Variants in KCNN2 observed in about 807,000 individuals in gnomAD.
KCNN2 encodes potassium calcium-activated channel subfamily N member 2.
In KCNN2, 24 loss-of-function variants were observed where a neutral mutation model predicts 55.5. The ratio of observed to expected loss-of-function variants is 0.43; its 90% CI spans 0.31 to 0.61. The LOEUF (loss-of-function observed/expected upper bound fraction) is 0.61, where lower values mean the gene tolerates loss of function less well. Among genes scored for constraint, KCNN2 ranks in the 20% least tolerant of loss-of-function variants. The pLI, the probability that KCNN2 is intolerant of heterozygous loss-of-function variation, is 0.08. For synonymous variants in KCNN2, 431 were observed against 336.1 expected, an observed-to-expected ratio of 1.28 and a Z score of -3.09; for missense variants, 754 against 853.6, an observed-to-expected ratio of 0.88 and a Z score of 1.45.
intron 1 of KCNN2, among the ~76,000 whole-genome samples, chr5:114,204,852 A>G (rs1215856845): frequency 1.3e-5 from 2 of 152,208 alleles, no homozygotes; most frequent in Non-Finnish European, 2.9e-5. Flanking sequence ...TCAATTTGTT[A>G]CCATAGCATA....
intron 2 of KCNN2, among the ~76,000 whole-genome samples, chr5:114,372,510 T>C (rs1484175760): frequency 6.6e-6 from 1 of 152,184 alleles, no homozygotes; most frequent in Non-Finnish European, 1.5e-5. Context: ...AAGAAGGAAA[T>C]AAGACTGATT....
At chr5:114,132,871 T>C (rs1291335812) in intron 1 of KCNN2, among the ~76,000 whole-genome samples, 1 of 152,190 alleles carries the variant, frequency 6.6e-6, no homozygotes, top group Non-Finnish European at 1.5e-5. Flanking sequence ...CAAACATAAC[T>C]GCAGAAGGTC....
At chr5:114,246,730 C>T (rs983955177) in intron 2 of KCNN2, among the ~76,000 whole-genome samples, 33 of 151,918 alleles carry the variant, frequency 2.2e-4, no homozygotes, top group African/African-American at 7.7e-4. Context: ...AAATGAATAA[C>T]ACAATATTCA....
In KCNN2 at chr5:114,476,037, C is replaced by CT. The variant is rs559885873; in HGVS notation, c.1890+2883dup. Among the ~76,000 whole-genome samples the CT allele has an allele frequency of 5.5e-3, 823 of 149,650 alleles. 5 individuals carry two copies. Among genetic ancestry groups the CT allele is most frequent in the African/African-American group, 0.015 (623 of 40,830 alleles). Reference sequence around the variant, plus strand: ...TAATAATTCTGTTATTTCATTACTACTTTTTTTTTTAAATTATACTTTAAG... The same window carrying CT: ...TAATAATTCTGTTATTTCATTACTACTTTTTTTTTTTAAATTATACTTTAAG... On this transcript the variant is annotated intron_variant, in intron 5 of 7. Transcript: ENST00000673685.
rs79234606 is a variant in KCNN2 at position 114,309,033 on chromosome 5, C to G, written c.-184-51912C>G. Among the ~76,000 whole-genome samples, 224 of 152,290 alleles carry G rather than the reference C, an allele frequency of 1.5e-3. 7 individuals carry two copies. In the East Asian group the frequency reaches 0.04, roughly 27 times the overall value. ...GAAATTGGAATGTTTAATTCTAACACTTGATTTTGGCCTGAAGGAGCTGAA... is the reference window on the plus strand; with the variant it reads ...GAAATTGGAATGTTTAATTCTAACAGTTGATTTTGGCCTGAAGGAGCTGAA... On this transcript the variant is annotated intron_variant, in intron 2 of 10. Coordinates refer to the KCNN2 transcript ENST00000512097.
intron 2 of KCNN2, among the ~76,000 whole-genome samples, chr5:114,234,485 G>C (rs143346907): frequency 2.0e-5 from 3 of 152,134 alleles, no homozygotes. Flanking sequence ...CAAGGGCCTT[G>C]TTATCCCATT....
upstream of KCNN2, among the ~76,000 whole-genome samples, chr5:114,359,222 C>T (rs1463198959): frequency 2.0e-5 from 3 of 152,122 alleles, no homozygotes; most frequent in Non-Finnish European, 2.9e-5. Flanking sequence ...TAGTATTAGT[C>T]TGAGTTTTGG....
chr5:114,154,775 A>G (rs1225454480), intron 1 of KCNN2, among the ~76,000 whole-genome samples: 1 of 151,962 alleles, frequency 6.6e-6, no homozygotes, highest in African/African-American at 2.4e-5. Flanking sequence ...CCTCCTTCTG[A>G]TTGTCATAGA....
At chr5:114,495,127 A>G (rs574901563) in intron 7 of KCNN2, among the ~76,000 whole-genome samples, 1 of 152,288 alleles carries the variant, frequency 6.6e-6, no homozygotes, top group Non-Finnish European at 1.5e-5. Flanking sequence ...TGATCAAGAC[A>G]ATCAATTTCA....
chr5:114,427,526 A>G (rs193118240), intron 3 of KCNN2, among the ~76,000 whole-genome samples: 14 of 152,288 alleles, frequency 9.2e-5, no homozygotes, highest in Admixed American at 8.5e-4. Context: ...TTAGAGTCCT[A>G]TTATGTTAAT....
chr5:114,458,453 A>G (rs1761030125), intron 3 of KCNN2, among the ~76,000 whole-genome samples: 1 of 152,190 alleles, frequency 6.6e-6, no homozygotes, highest in African/African-American at 2.4e-5. Context: ...CACTTTTTAT[A>G]TGTCTATGTG....
Position 114,404,848 on chromosome 5 carries a change from T to C in KCNN2, c.1629T>C (p.Ala543=). ...TAATTGCCGCATGGACTGTCCGAGCTTGTGAAAGGTAAGTTTGTTTCTTTT... is the reference window on the plus strand; with the variant it reads ...TAATTGCCGCATGGACTGTCCGAGCCTGTGAAAGGTAAGTTTGTTTCTTTT... ...LWIIAAWTVR[A]CERYHDQQDV... Residue 543 remains alanine (A), a synonymous_variant, in exon 3 of 8, where the codon GCT becomes GCC. Transcript: ENST00000673685. 1 of 1,604,238 alleles carries C rather than the reference T, an allele frequency of 6.2e-7. No individual in the cohort carries two copies. The highest frequency in any genetic ancestry group is 8.5e-7 in the Non-Finnish European group (1 of 1,173,108).
Position 114,185,353 on chromosome 5 carries a change from A to G in KCNN2, c.-270-36127A>G, listed in dbSNP as rs544687105. Among the ~76,000 whole-genome samples, 6 of 152,368 alleles carry G rather than the reference A, an allele frequency of 3.9e-5. No individual in the cohort carries two copies. The East Asian group carries it at 1.2e-3, about 29-fold the overall frequency. ...CAGTGTCATTATAGACAACATGAAAATCTTGAAACGTAAGACAGTAATGAG... is the reference window on the plus strand; with the variant it reads ...CAGTGTCATTATAGACAACATGAAAGTCTTGAAACGTAAGACAGTAATGAG... On this transcript the variant is annotated intron_variant, in intron 1 of 10. Transcript: ENST00000512097.
At chr5:114,205,766 C>T (rs924532053) in intron 1 of KCNN2, among the ~76,000 whole-genome samples, 1 of 152,160 alleles carries the variant, frequency 6.6e-6, no homozygotes, top group African/African-American at 2.4e-5. Flanking sequence ...ATACTTCTTT[C>T]TCAGTATTTT....
chr5:114,322,855 A>G (rs1364968683), intron 2 of KCNN2, among the ~76,000 whole-genome samples: 1 of 152,216 alleles, frequency 6.6e-6, no homozygotes. Flanking sequence ...AAGGTGTGTT[A>G]CATAGGTAAA....
At chr5:114,109,937 A>T (rs1751561750) in intron 1 of KCNN2, among the ~76,000 whole-genome samples, 1 of 152,016 alleles carries the variant, frequency 6.6e-6, no homozygotes, top group Non-Finnish European at 1.5e-5. Flanking sequence ...TGATGGTAGT[A>T]AGAGGTGGGA....
At chr5:114,158,374 G>T (rs577878589) in intron 1 of KCNN2, among the ~76,000 whole-genome samples, 1 of 152,062 alleles carries the variant, frequency 6.6e-6, no homozygotes, top group African/African-American at 2.4e-5. Context: ...CTCTGTTTTG[G>T]TACCAGTACC....
chr5:114,217,621 T>A (rs994759734), intron 1 of KCNN2, among the ~76,000 whole-genome samples: 7 of 152,148 alleles, frequency 4.6e-5, no homozygotes, highest in Non-Finnish European at 8.8e-5. Context: ...ATCACCTGTC[T>A]AAATGTTAAC....
Position 114,100,961 on chromosome 5 carries a change from CTT to C in KCNN2, c.-271+44464_-271+44465del, listed in dbSNP as rs536849902. Among the ~76,000 whole-genome samples the C allele has an allele frequency of 2.9e-3, 437 of 151,522 alleles. 2 individuals carry two copies. The highest frequency in any genetic ancestry group is 0.01 in the African/African-American group (420 of 41,358). On this transcript the variant is annotated intron_variant, in intron 1 of 10. Coordinates refer to the KCNN2 transcript ENST00000512097. Reference sequence around the variant, plus strand: ...ATTAATATATCAATATTGTAGATCTCTTTTCAAAATATTTATATAATATCCTT... The same window carrying C: ...ATTAATATATCAATATTGTAGATCTCTTCAAAATATTTATATAATATCCTT...
Sources: gnomAD v4.1 joint callset for allele counts (sites outside exome capture counted in the v4.1 genomes callset) on GRCh38, gnomAD v4.1.1 for gene constraint, MANE v1.5 for transcripts, NCBI Gene and HGNC (gene_info 2026-07-23, HGNC 2026-07-21) for gene names.